Variants in PCYT1A observed in about 807,000 individuals in gnomAD.
PCYT1A encodes phosphate cytidylyltransferase 1A, choline.
Under a neutral mutation model 43.7 loss-of-function variants are expected in PCYT1A, and 25 were observed. That is an observed-to-expected ratio of 0.57 (90% CI 0.42 to 0.80). The LOEUF (loss-of-function observed/expected upper bound fraction) is 0.80. Among genes scored for constraint, PCYT1A ranks in the 30% least tolerant of loss-of-function variants. The pLI, the probability that PCYT1A is intolerant of heterozygous loss-of-function variation, is 0.00. For synonymous variants in PCYT1A, 172 were observed against 170.7 expected, an observed-to-expected ratio of 1.01 and a Z score of -0.06; for missense variants, 421 against 474.2, an observed-to-expected ratio of 0.89 and a Z score of 1.04.
chr3:196,251,417 A>C (rs1295219579), intron 3 of PCYT1A: 1 of 153,170 alleles, frequency 6.5e-6, no homozygotes, highest in Non-Finnish European at 1.5e-5. Context: ...AGGGCAATGA[A>C]TGAAGGAGAA....
rs772551986 is a variant in PCYT1A, at chr3:196,238,756, A to G, written c.1036T>C (p.Cys346Arg). The change falls in exon 9 of 9, where the codon TGC becomes CGC. Residue 346 changes from cysteine to arginine, a missense_variant. Cys to Arg is a radical substitution (Grantham distance 180). This residue lies in a region of PCYT1A where 108 missense variants were observed against 85.7 expected (regional missense o/e 1.26). Coordinates refer to ENST00000431016, the MANE Select transcript of PCYT1A (RefSeq NM_001312673.2). ...TGCCTGGAGAGATTTGCTGGGGAGC[A>G]AGGTGGGGAAGTCTTGCCGGAGAAG... The part of the protein sequence containing the change: ...WPFSGKTSPP[C>R]SPANLSRHKA... 2 of 1,591,510 alleles carry G rather than the reference A, an allele frequency of 1.3e-6. No individual in the cohort carries two copies. Among genetic ancestry groups the G allele is most frequent in the Non-Finnish European group, 8.5e-7 (1 of 1,169,928 alleles).
intron 1 of PCYT1A, among the ~76,000 whole-genome samples, chr3:196,286,937 C>G (rs1577381386): frequency 6.6e-6 from 1 of 152,152 alleles, no homozygotes; most frequent in East Asian, 1.9e-4. Context: ...AAAAAAAGTA[C>G]AGGTTCCATC....
intron 1 of PCYT1A, among the ~76,000 whole-genome samples, chr3:196,271,104 A>T (rs1725417755): frequency 6.6e-6 from 1 of 151,832 alleles, no homozygotes; most frequent in South Asian, 2.1e-4. Flanking sequence ...GCCTCACTGC[A>T]GCTTCAACCT....
chr3:196,239,612 A>G lies in PCYT1A; in HGVS notation c.832T>C (p.Trp278Arg). The G allele has an allele frequency of 6.2e-7, 1 of 1,613,026 alleles. No homozygotes were observed. The highest frequency in any genetic ancestry group is 1.1e-5 in the South Asian group (1 of 91,072). ...EEKSIDLIQKWEEKSREFIGS... is the reference protein window; with the variant it reads ...EEKSIDLIQKREEKSREFIGS... Reference sequence around the variant, plus strand: ...ATGAATTCTCGGGACTTCTCCTCCCACTTCTGAATGAGGTCAATGCTTTTT... The same window carrying G: ...ATGAATTCTCGGGACTTCTCCTCCCGCTTCTGAATGAGGTCAATGCTTTTT... Residue 278 changes from tryptophan to arginine, a missense_variant, in exon 8 of 9, where the codon TGG becomes CGG. Trp to Arg is a moderately radical substitution (Grantham distance 101, BLOSUM62 -3). Around this residue, in one of 3 missense-constraint regions of PCYT1A, gnomAD observed 174 missense variants for 270.7 expected, o/e 0.64. Transcript: ENST00000431016.
At position 196,242,619 on chromosome 3, in the gene PCYT1A, C is replaced by T; in HGVS notation, c.508G>A (p.Asp170Asn). The change falls in exon 6 of 9, where the codon GAT (aspartate) becomes AAT (asparagine). Residue 170 changes from aspartate to asparagine, a missense_variant. By Grantham distance (23) the Asp-to-Asn change is conservative (BLOSUM62 1). Around this residue, in one of 3 missense-constraint regions of PCYT1A, gnomAD observed 174 missense variants for 270.7 expected, o/e 0.64. Transcript: ENST00000431016. This position sits in a 1 kb window ranked among gnomAD's most constrained non-coding sequence, Gnocchi z 4.2. ...CTGCCAGCAGATGAATAAGGAATAT[C>T]ATCATGGGCTACAAAATCAATCTGA... ...EHRIDFVAHD[D>N]IPYSSAGSDD... 1 of 1,609,104 alleles carries T rather than the reference C, an allele frequency of 6.2e-7. No individual in the cohort carries two copies. Among genetic ancestry groups the T allele is most frequent in the Non-Finnish European group, 8.5e-7 (1 of 1,175,416 alleles).
chr3:196,279,884 G>T (rs1234077931), intron 1 of PCYT1A, among the ~76,000 whole-genome samples: 1 of 141,300 alleles, frequency 7.1e-6, no homozygotes, highest in African/African-American at 2.7e-5. Context: ...GCCCAGGCTG[G>T]AGTACAATGG....
chr3:196,260,839 C>CA (rs1222266776), intron 2 of PCYT1A, among the ~76,000 whole-genome samples: 2 of 151,630 alleles, frequency 1.3e-5, no homozygotes, highest in South Asian at 2.1e-4. Context: ...GACTCTGCCT[C>CA]AAAAAAACAA....
intron 2 of PCYT1A, among the ~76,000 whole-genome samples, chr3:196,259,432 C>T (rs1439362268): frequency 6.6e-6 from 1 of 152,036 alleles, no homozygotes; most frequent in Non-Finnish European, 1.5e-5. Flanking sequence ...CTAAAAAGAT[C>T]GTATCATGAT....
rs1356622927 is a variant in PCYT1A at position 196,237,207 on chromosome 3, A to C, written c.*1481T>G. The stretch of plus-strand genomic sequence containing the variant: ...ACAGGGGTGGGGCCTGGACATAAGC[A>C]ATTTTCCCCTGGATCTAGCCACAGG... On this transcript the variant is annotated 3_prime_UTR_variant, in exon 9 of 9. Coordinates refer to ENST00000431016, the MANE Select transcript of PCYT1A (RefSeq NM_001312673.2). The C allele has an allele frequency of 6.6e-6, 1 of 152,236 alleles. No individual in the cohort carries two copies. The highest frequency in any genetic ancestry group is 2.4e-5 in the African/African-American group (1 of 41,452). The allele number at this position is 152,236 out of a possible 1,614,324, so 9.4% of individuals were successfully genotyped here. A position where few individuals can be genotyped will look rare whatever the true frequency, so the allele number is the denominator to read the frequency against.
At position 196,257,862 on chromosome 3, in the gene PCYT1A, G is replaced by C. The variant is rs777509855; in HGVS notation, c.143C>G (p.Ser48Cys). 7 of 1,612,054 alleles carry C rather than the reference G, an allele frequency of 4.3e-6. No homozygotes were observed. Among genetic ancestry groups the C allele is most frequent in the Non-Finnish European group, 5.9e-6 (7 of 1,178,912 alleles). ...AVGLRQPAPF[S>C]DEIEVDFSKP... Reference sequence around the variant, plus strand: ...ACTAAAGTCAACTTCAATTTCATCAGAAAAAGGAGCTGGTTGCCGTAAGCC... The same window carrying C: ...ACTAAAGTCAACTTCAATTTCATCACAAAAAGGAGCTGGTTGCCGTAAGCC... Residue 48 changes from serine (S) to cysteine (C), a missense_variant, in exon 3 of 9, where the codon TCT becomes TGT. Ser to Cys is a moderately radical substitution (Grantham distance 112). This residue lies in a region of PCYT1A where 139 missense variants were observed against 117.7 expected (regional missense o/e 1.18). Coordinates refer to ENST00000431016, the MANE Select transcript of PCYT1A (RefSeq NM_001312673.2).
chr3:196,245,907 C>T (rs182437041), intron 5 of PCYT1A, among the ~76,000 whole-genome samples: 34 of 149,510 alleles, frequency 2.3e-4, no homozygotes, highest in Non-Finnish European at 3.1e-4. Flanking sequence ...TCCGAGATCA[C>T]GCCATTGCAC....
chr3:196,248,314 G>A lies in PCYT1A; in HGVS notation c.227C>T (p.Pro76Leu). The A allele has an allele frequency of 2.5e-6, 4 of 1,594,858 alleles. No homozygotes were observed. Among genetic ancestry groups the A allele is most frequent in the Non-Finnish European group, 3.4e-6 (4 of 1,162,642 alleles). The change falls in exon 4 of 9, where the codon CCT becomes CTT. Residue 76 changes from proline (P) to leucine (L), a missense_variant. Transcript: ENST00000431016. ...TATTCCATCGGCATAAACTCTCACA[G>A]GTCGCTCACCTAAATCCAAATGAAA... The part of the protein sequence containing the change: ...EASRGTPCER[P>L]VRVYADGIFD...
intron 2 of PCYT1A, among the ~76,000 whole-genome samples, chr3:196,264,056 A>G (rs1205526942): frequency 6.6e-6 from 1 of 152,150 alleles, no homozygotes; most frequent in African/African-American, 2.4e-5. Context: ...GGCCCTCTAA[A>G]TTGAACCTGT....
At chr3:196,243,768 G>T (rs562380083) in intron 5 of PCYT1A, among the ~76,000 whole-genome samples, 21 of 152,258 alleles carry the variant, frequency 1.4e-4, no homozygotes, top group Non-Finnish European at 2.9e-5. Context: ...GCTCCTAACC[G>T]CGAGTGATCC....
At position 196,257,815 on chromosome 3, in the gene PCYT1A, T is replaced by C. The variant is rs752190012; in HGVS notation, c.190A>G (p.Met64Val). 3 of 1,610,764 alleles carry C rather than the reference T, an allele frequency of 1.9e-6. No individual in the cohort carries two copies. The highest frequency in any genetic ancestry group is 2.2e-5 in the South Asian group (2 of 91,000). ...DFSKPYVRVTMEEASRGTPCE... is the reference protein window; with the variant it reads ...DFSKPYVRVTVEEASRGTPCE... Reference sequence around the variant, plus strand: ...GGAGTTCCTCTGCTGGCTTCTTCCATAGTTACCCTGACATAGGGCTTACTA... The same window carrying C: ...GGAGTTCCTCTGCTGGCTTCTTCCACAGTTACCCTGACATAGGGCTTACTA... The change falls in exon 3 of 9, where the codon ATG becomes GTG. Residue 64 changes from methionine to valine, a missense_variant. Physicochemically the swap from Met to Val is conservative, Grantham distance 21. Coordinates refer to ENST00000431016, the MANE Select transcript of PCYT1A (RefSeq NM_001312673.2).
rs1032567920 is a variant in PCYT1A at position 196,264,028 on chromosome 3, C to G, written c.118-6141G>C. On this transcript the variant is annotated intron_variant, in intron 2 of 8. Transcript: ENST00000431016. ...AACAATGAGCTCATCTGTCCAATTACTATTTGGATGTCTTATAGGCCCTCT... is the reference window on the plus strand; with the variant it reads ...AACAATGAGCTCATCTGTCCAATTAGTATTTGGATGTCTTATAGGCCCTCT... 2.6e-5 allele frequency among the ~76,000 whole-genome samples: 4 copies of G among 152,202 alleles called. No homozygotes were observed. The East Asian group carries it at 7.7e-4, about 29-fold the overall frequency.
chr3:196,280,589 T>C (rs867257447), intron 1 of PCYT1A, among the ~76,000 whole-genome samples: 15 of 146,070 alleles, frequency 1.0e-4, no homozygotes, highest in African/African-American at 2.3e-4. Context: ...TTTTTTTTTT[T>C]CTGAATATTT....
At position 196,236,649 on chromosome 3, in the gene PCYT1A, A is replaced by G. The variant is rs1362921032; in HGVS notation, c.*2039T>C. ...TTTTTCTAGTTGATTATTTCTCTTT[A>G]TTTCTGTATGTGTGTGTGGTTTTTG... On this transcript the variant is annotated 3_prime_UTR_variant, in exon 9 of 9. Transcript: ENST00000431016. 6.6e-6 allele frequency: 1 copy of G among 151,444 alleles called. No individual in the cohort carries two copies. The highest frequency in any genetic ancestry group is 6.6e-5 in the Admixed American group (1 of 15,202). The allele number at this position is 151,444 out of a possible 1,614,324, so 9.4% of individuals were successfully genotyped here.
Position 196,273,052 on chromosome 3 carries a change from A to C in PCYT1A, c.-10-2511T>G, listed in dbSNP as rs1725483492. 1.3e-5 allele frequency among the ~76,000 whole-genome samples: 2 copies of C among 152,220 alleles called. No homozygotes were observed. The highest frequency in any genetic ancestry group is 4.1e-4 in the South Asian group (2 of 4,838). On this transcript the variant is annotated intron_variant, in intron 1 of 8. Transcript: ENST00000431016. This position sits in a 1 kb window ranked among gnomAD's most constrained non-coding sequence, Gnocchi z 4.1. ...CCAGCACAGGGTCCGGCCACTGCGCACAGCCAGGCACGCCAGCTGCCAGGG... is the reference window on the plus strand; with the variant it reads ...CCAGCACAGGGTCCGGCCACTGCGCCCAGCCAGGCACGCCAGCTGCCAGGG...
Sources: gnomAD v4.1 joint callset for allele counts (sites outside exome capture counted in the v4.1 genomes callset) on GRCh38, gnomAD v4.1.1 for gene constraint, gnomAD v4.1.1 regional missense constraint, Gnocchi (gnomAD v3.1) non-coding constraint, MANE v1.5 for transcripts, NCBI Gene and HGNC (gene_info 2026-07-23, HGNC 2026-07-21) for gene names.